Variants in SRPK2 observed in about 807,000 individuals in gnomAD.
SRPK2 encodes SRSF protein kinase 2, also known as SFRS protein kinase 2.
In SRPK2, 21 loss-of-function variants were observed where a neutral mutation model predicts 90.8. That is an observed-to-expected ratio of 0.23 (90% CI 0.16 to 0.33). The LOEUF (loss-of-function observed/expected upper bound fraction) is 0.33, where lower values mean the gene tolerates loss of function less well. Ranked by LOEUF, SRPK2 falls within the 10% of genes least tolerant of loss-of-function variation. The pLI is 1.00. For missense variants in SRPK2, 620 were observed against 869.0 expected, an observed-to-expected ratio of 0.71 and a Z score of 3.60; for synonymous variants, 288 against 311.1, an observed-to-expected ratio of 0.93 and a Z score of 0.78.
intron 2 of SRPK2, among the ~76,000 whole-genome samples, chr7:105,287,098 A>G (rs1808212774): frequency 6.6e-6 from 1 of 151,274 alleles, no homozygotes; most frequent in Non-Finnish European, 1.5e-5. Flanking sequence ...CGTCTCTACT[A>G]AAAATACAAA....
At chr7:105,315,090 A>G (rs1236574882) in intron 2 of SRPK2, among the ~76,000 whole-genome samples, 1 of 152,168 alleles carries the variant, frequency 6.6e-6, no homozygotes, top group African/African-American at 2.4e-5. Flanking sequence ...CAGCCTGCAC[A>G]CCATAGGGGA....
rs1225944338 is a variant in SRPK2 at position 105,305,431 on chromosome 7, ACT to A, written c.71+83215_71+83216del. Among the ~76,000 whole-genome samples, 4 of 152,214 alleles carry A rather than the reference ACT, an allele frequency of 2.6e-5. No individual in the cohort carries two copies. In the East Asian group the frequency reaches 5.8e-4, roughly 22 times the overall value. On this transcript the variant is annotated intron_variant, in intron 2 of 15. Coordinates refer to ENST00000393651, the MANE Select transcript of SRPK2 (RefSeq NM_182692.3). ...ACACAGTCTCGCACAATAGAGCGAG[ACT>A]CTGTCACAAAAAAAATTTTCTGCTG...
chr7:105,333,475 A>C (rs963586867), intron 2 of SRPK2, among the ~76,000 whole-genome samples: 1 of 152,258 alleles, frequency 6.6e-6, no homozygotes, highest in Non-Finnish European at 1.5e-5. Context: ...AACTGTATAC[A>C]GTATTTTTAA....
chr7:105,291,850 A>G (rs1809072912), intron 2 of SRPK2, among the ~76,000 whole-genome samples: 1 of 152,224 alleles, frequency 6.6e-6, no homozygotes, highest in Admixed American at 6.5e-5. Context: ...TACTTGTGGT[A>G]GCATTCCATT....
In SRPK2 at chr7:105,388,690, TG is replaced by T; in HGVS notation, c.28del (p.Gln10ArgfsTer24). 1 of 1,587,018 alleles carries T rather than the reference TG, an allele frequency of 6.3e-7. No individual in the cohort carries two copies. Among genetic ancestry groups the T allele is most frequent in the African/African-American group, 1.4e-5 (1 of 72,390 alleles). ...TCTTTTCGGCCTCCGCTTTCGGGCC[TG>T]AATGGCCAGCACTGGGGAAGAGAAG... The part of the protein sequence containing the change: MSSRKVLAI[Q>X]ARKRRPKREK... On this transcript the variant is annotated frameshift_variant, in exon 2 of 16. Transcript: ENST00000393651. LOFTEE classifies it high-confidence loss of function.
Position 105,205,513 on chromosome 7 carries a change from TCTCTCACACACACACA to T in SRPK2, c.72-1744_72-1729del, listed in dbSNP as rs1235963796. Among the ~76,000 whole-genome samples, 231 of 61,164 alleles carry T rather than the reference TCTCTCACACACACACA, an allele frequency of 3.8e-3. 1 individual carries two copies. Among genetic ancestry groups the T allele is most frequent in the African/African-American group, 0.014 (173 of 12,492 alleles). 40.1% of individuals were successfully genotyped at this position (61,164 alleles called of 152,430 possible). On this transcript the variant is annotated intron_variant, in intron 2 of 15. Coordinates refer to ENST00000393651, the MANE Select transcript of SRPK2 (RefSeq NM_182692.3). ...AATATTCATTCTCTCTCTCTCTCTC[TCTCTCACACACACACA>T]CACACACACACACACACACACACAC... is the stretch of plus-strand genomic sequence containing the variant.
At chr7:105,175,069 G>A (rs1791657467) in intron 3 of SRPK2, among the ~76,000 whole-genome samples, 1 of 151,722 alleles carries the variant, frequency 6.6e-6, no homozygotes, top group Non-Finnish European at 1.5e-5. Context: ...TTGAACCCAG[G>A]AGGCAGAGGT....
intron 15 of SRPK2, among the ~76,000 whole-genome samples, chr7:105,125,115 G>A (rs1246421800): frequency 8.1e-6 from 1 of 124,090 alleles, no homozygotes; most frequent in Non-Finnish European, 1.6e-5. Flanking sequence ...GGGCAACAGA[G>A]CAAGACTCCA....
chr7:105,253,610 C>G (rs147891775), intron 2 of SRPK2, among the ~76,000 whole-genome samples: 2 of 152,226 alleles, frequency 1.3e-5, no homozygotes, highest in Non-Finnish European at 2.9e-5. Context: ...GATGCTGTTT[C>G]CTGGAATACT....
At chr7:105,302,325 C>T (rs139776184) in intron 2 of SRPK2, among the ~76,000 whole-genome samples, 9 of 152,246 alleles carry the variant, frequency 5.9e-5, no homozygotes, top group African/African-American at 2.2e-4. Flanking sequence ...TTTATGAAGC[C>T]TCTTGAGCTT....
At chr7:105,266,908 CTTG>C (rs1805166253) in intron 2 of SRPK2, among the ~76,000 whole-genome samples, 1 of 152,124 alleles carries the variant, frequency 6.6e-6, no homozygotes, top group Admixed American at 6.6e-5. Context: ...AGAGTACCTT[CTTG>C]TTGTAATATA....
chr7:105,122,809 A>G (rs959808062), intron 15 of SRPK2, among the ~76,000 whole-genome samples: 2 of 151,364 alleles, frequency 1.3e-5, no homozygotes, highest in South Asian at 2.1e-4. Context: ...ACATACACAC[A>G]CGCGCGCGCA....
At chr7:105,371,755 T>C (rs1288780193) in intron 2 of SRPK2, among the ~76,000 whole-genome samples, 5 of 152,080 alleles carry the variant, frequency 3.3e-5, no homozygotes, top group South Asian at 2.1e-4. Context: ...GCTAACTGTT[T>C]AGACTGTGGG....
chr7:105,331,635 C>A (rs1398383233), intron 2 of SRPK2, among the ~76,000 whole-genome samples: 1 of 152,116 alleles, frequency 6.6e-6, no homozygotes, highest in Admixed American at 6.6e-5. Flanking sequence ...TGTGCTTAGG[C>A]CCTGATTTTT....
intron 2 of SRPK2, among the ~76,000 whole-genome samples, chr7:105,205,213 A>G (rs1371000975): frequency 6.6e-6 from 1 of 152,200 alleles, no homozygotes; most frequent in East Asian, 1.9e-4. Flanking sequence ...AACTGAAGGA[A>G]GGAGTAGGAA....
chr7:105,265,856 T>C (rs1186363876), intron 2 of SRPK2, among the ~76,000 whole-genome samples: 1 of 148,420 alleles, frequency 6.7e-6, no homozygotes, highest in Non-Finnish European at 1.5e-5. Context: ...CATTCATCAT[T>C]AGGCATTTTT....
chr7:105,245,969 T>C (rs567738108), intron 2 of SRPK2, among the ~76,000 whole-genome samples: 3 of 152,258 alleles, frequency 2.0e-5, no homozygotes, highest in South Asian at 2.1e-4. Flanking sequence ...CCCACTGTTG[T>C]AGACCCTGGC....
Position 105,126,978 on chromosome 7 carries a change from G to A in SRPK2, c.1822+15C>T. On this transcript the variant is annotated intron_variant, in intron 14 of 15. Coordinates refer to ENST00000393651, the MANE Select transcript of SRPK2 (RefSeq NM_182692.3). ...AAGACCTAGACCGAGGTATTCAGCA[G>A]GCACCAATACTCACCTTCGTCTCTG... 1 of 1,613,812 alleles carries A rather than the reference G, an allele frequency of 6.2e-7. No individual in the cohort carries two copies. Among genetic ancestry groups the A allele is most frequent in the Non-Finnish European group, 8.5e-7 (1 of 1,179,710 alleles).
chr7:105,133,286 C>A (rs1001763723), intron 11 of SRPK2, among the ~76,000 whole-genome samples, 182 bp from the exon 12 acceptor site: 2 of 152,182 alleles, frequency 1.3e-5, no homozygotes, highest in South Asian at 2.1e-4. Context: ...CTGGAAAATA[C>A]TCCAGAAAAG....
Sources: gnomAD v4.1 joint callset for allele counts (sites outside exome capture counted in the v4.1 genomes callset) on GRCh38, gnomAD v4.1.1 for gene constraint, MANE v1.5 for transcripts, NCBI Gene and HGNC (gene_info 2026-07-23, HGNC 2026-07-21) for gene names.